Variants in TNFRSF10C observed in about 807,000 individuals in gnomAD.
The protein encoded by TNFRSF10C is tumor necrosis factor receptor superfamily member 10C.
In TNFRSF10C, 17 loss-of-function variants were observed where a neutral mutation model predicts 16.7. That is an observed-to-expected ratio of 1.02 (90% confidence interval 0.70 to 1.53). The LOEUF (loss-of-function observed/expected upper bound fraction) is 1.53. TNFRSF10C is among the 40% of genes most tolerant of loss of function. The pLI, the probability that TNFRSF10C is intolerant of heterozygous loss-of-function variation, is 0.00. For synonymous variants in TNFRSF10C, 73 were observed against 119.7 expected (o/e 0.61, Z 2.55); for missense variants, 237 against 329.7 (o/e 0.72, Z 2.18).
intron 3 of TNFRSF10C, among the ~76,000 whole-genome samples, chr8:23,115,050 A>G (rs1284037196): frequency 1.9e-4 from 28 of 151,282 alleles, no homozygotes; most frequent in South Asian, 6.3e-4. Context: ...AGGTTTCAGT[A>G]GTGGCACGGG....
rs770863626 is a variant in TNFRSF10C at position 23,103,029 on chromosome 8, C to T, written c.-93C>T. The T allele has an allele frequency of 1.7e-4, 264 of 1,561,364 alleles. No homozygotes were observed. Among genetic ancestry groups the T allele is most frequent in the Non-Finnish European group, 2.2e-4 (254 of 1,152,708 alleles). On this transcript the variant is annotated 5_prime_UTR_variant, in exon 1 of 5. Transcript: ENST00000356864. ...GCAAGGGGTGAAGGAGCGCTTCCTA[C>T]CGTTAGGGAACTCTGGGGACAGAGC...
At position 23,117,249 on chromosome 8, in the gene TNFRSF10C, C is replaced by A. The variant is rs914605036; in HGVS notation, c.*218C>A. The A allele has an allele frequency of 1.3e-5, 9 of 703,394 alleles. No homozygotes were observed. The Admixed American group carries it at 2.4e-4, about 19-fold the overall frequency. 43.6% of individuals were successfully genotyped at this position (703,394 alleles called of 1,614,324 possible). A position where few individuals can be genotyped will look rare whatever the true frequency, so the allele number is the denominator to read the frequency against. ...CCCACATCCCGTGCACCCCCCAGGA[C>A]CCTGGTCTCATCAGTCCCTCTCCTG... On this transcript the variant is annotated 3_prime_UTR_variant, in exon 5 of 5. Coordinates refer to ENST00000356864, the MANE Select transcript of TNFRSF10C (RefSeq NM_003841.5).
chr8:23,115,391 G>GGTGCTGGTGCACCAA, intron 3 of TNFRSF10C, 117 bp from the exon 4 acceptor site: 1 of 736,598 alleles, frequency 1.4e-6, no homozygotes. Flanking sequence ...TGCAGAAACT[G>GGTGCTGGTGCACCAA]GCCCTTAGAA....
chr8:23,111,709 T>C lies in TNFRSF10C; in HGVS notation c.61-11T>C, dbSNP rs1004822321. On this transcript the variant is annotated splice_polypyrimidine_tract_variant and intron_variant, in intron 1 of 4. Transcript: ENST00000356864. ...AAGTCACTCACACCCATCACTCCTTTGTCCCCACAGGTCCTAGCTTACTCT... is the reference window on the plus strand; with the variant it reads ...AAGTCACTCACACCCATCACTCCTTCGTCCCCACAGGTCCTAGCTTACTCT... 1.2e-6 allele frequency: 2 copies of C among 1,612,080 alleles called. No homozygotes were observed. Among genetic ancestry groups the C allele is most frequent in the Non-Finnish European group, 1.7e-6 (2 of 1,178,712 alleles).
intron 2 of TNFRSF10C, among the ~76,000 whole-genome samples, chr8:23,113,341 C>T (rs1300622516): frequency 2.0e-5 from 3 of 152,094 alleles, no homozygotes; most frequent in Non-Finnish European, 4.4e-5. Flanking sequence ...GTTGCCTGTG[C>T]TTTTGGGGTC....
At chr8:23,111,315 C>G (rs1813873799) in intron 1 of TNFRSF10C, among the ~76,000 whole-genome samples, 1 of 151,756 alleles carries the variant, frequency 6.6e-6, no homozygotes, top group African/African-American at 2.4e-5. Context: ...CTCTCAGGTT[C>G]AAGCTATTCT....
chr8:23,110,171 A>T (rs1585247210), intron 1 of TNFRSF10C, among the ~76,000 whole-genome samples: 1 of 151,744 alleles, frequency 6.6e-6, no homozygotes, highest in East Asian at 1.9e-4. Flanking sequence ...AGAGGGAGTA[A>T]GAGTGTGAGA....
rs1813945873 is a variant in TNFRSF10C at position 23,114,772 on chromosome 8, T to C, written c.280+2T>C. The C allele has an allele frequency of 6.2e-7, 1 of 1,612,818 alleles. No individual in the cohort carries two copies. The highest frequency in any genetic ancestry group is 8.5e-7 in the Non-Finnish European group (1 of 1,178,844). On this transcript the variant is annotated splice_donor_variant, in intron 3 of 4. Transcript: ENST00000356864. LOFTEE classifies it high-confidence loss of function. ...TCCCATGTACAGTTTGTAAATCAGGTACAGAATGTGTGGACCTCTTGTCCA... is the reference window on the plus strand; with the variant it reads ...TCCCATGTACAGTTTGTAAATCAGGCACAGAATGTGTGGACCTCTTGTCCA...
chr8:23,107,106 G>T (rs1269556218), intron 1 of TNFRSF10C, among the ~76,000 whole-genome samples: 1 of 152,092 alleles, frequency 6.6e-6, no homozygotes, highest in Non-Finnish European at 1.5e-5. Context: ...CTGTAGTCCT[G>T]CCAAGACAGG....
At chr8:23,113,911 G>T (rs1346561293) in intron 2 of TNFRSF10C, among the ~76,000 whole-genome samples, 1 of 150,806 alleles carries the variant, frequency 6.6e-6, no homozygotes, top group Non-Finnish European at 1.5e-5. Context: ...AGCCGAGATT[G>T]TGCCACTGCA....
In TNFRSF10C at chr8:23,114,681, G is replaced by A. The variant is rs61756239; in HGVS notation, c.191G>A (p.Gly64Glu). 1.2e-5 allele frequency: 19 copies of A among 1,611,472 alleles called. No homozygotes were observed. The highest frequency in any genetic ancestry group is 1.4e-5 in the Non-Finnish European group (17 of 1,179,902). ...PAGSHRSEHTGACNPCTEGVD... is the reference protein window; with the variant it reads ...PAGSHRSEHTEACNPCTEGVD... ...GGATCTCATAGATCAGAACATACTG[G>A]AGCCTGTAACCCGTGCACAGAGGGT... Residue 64 changes from glycine (G) to glutamate (E), a missense_variant, in exon 3 of 5, where the codon GGA (glycine) becomes GAA (glutamate). Coordinates refer to ENST00000356864, the MANE Select transcript of TNFRSF10C (RefSeq NM_003841.5).
chr8:23,114,808 G>A (rs4242389), intron 3 of TNFRSF10C, 38 bp downstream of exon 3: 144,734 of 1,575,874 alleles, frequency 0.092, 8,438 homozygotes, highest in East Asian at 0.3. Context: ...GAGGTGGAGC[G>A]TGGGGCAATG....
intron 2 of TNFRSF10C, 24 bp downstream of exon 2, chr8:23,111,849 A>C (rs781724230): frequency 2.5e-6 from 4 of 1,599,780 alleles, no homozygotes; most frequent in Middle Eastern, 1.7e-4. Context: ...TTTAAAAATC[A>C]GTTTATTTTT....
intron 1 of TNFRSF10C, among the ~76,000 whole-genome samples, chr8:23,104,819 T>G (rs1166655996): frequency 6.6e-6 from 1 of 152,200 alleles, no homozygotes; most frequent in Non-Finnish European, 1.5e-5. Flanking sequence ...TTTTTGGTAC[T>G]GGGAGTAGAC....
At chr8:23,109,675 G>A (rs1813844729) in intron 1 of TNFRSF10C, among the ~76,000 whole-genome samples, 1 of 151,396 alleles carries the variant, frequency 6.6e-6, no homozygotes, top group South Asian at 2.1e-4. Context: ...TATGGCCTGA[G>A]GAGCTACATT....
At chr8:23,106,673 G>A (rs1356160647) in intron 1 of TNFRSF10C, among the ~76,000 whole-genome samples, 5 of 152,066 alleles carry the variant, frequency 3.3e-5, no homozygotes, top group Admixed American at 6.6e-5. Context: ...TCTTGGCCTC[G>A]ACTTCTCATC....
At chr8:23,103,401 G>T (rs1331915451) in intron 1 of TNFRSF10C, 1 of 764,318 alleles carries the variant, frequency 1.3e-6, no homozygotes, top group East Asian at 2.7e-5. Context: ...CCCCCTGGCT[G>T]CCCCGAGCCC....
At position 23,103,012 on chromosome 8, in the gene TNFRSF10C, T is replaced by C; in HGVS notation, c.-110T>C. On this transcript the variant is annotated 5_prime_UTR_variant, in exon 1 of 5. Transcript: ENST00000356864. ...GGAGTTTGACCAGAGATGCAAGGGG[T>C]GAAGGAGCGCTTCCTACCGTTAGGG... 6.4e-7 allele frequency: 1 copy of C among 1,551,182 alleles called. No individual in the cohort carries two copies.
At chr8:23,103,273 C>G (rs535601755) in intron 1 of TNFRSF10C, 92 bp downstream of exon 1, 28 of 1,547,230 alleles carry the variant, frequency 1.8e-5, no homozygotes, top group Non-Finnish European at 2.4e-5. Flanking sequence ...ATGCCTGGCC[C>G]TGGTCACCTG....
Sources: gnomAD v4.1 joint callset for allele counts (sites outside exome capture counted in the v4.1 genomes callset) on GRCh38, gnomAD v4.1.1 for gene constraint, MANE v1.5 for transcripts, NCBI Gene and HGNC (gene_info 2026-07-23, HGNC 2026-07-21) for gene names.